The following PCLO variants were observed in gnomAD, a reference collection of about 807,000 sequenced individuals.
PCLO encodes protein piccolo.
PCLO carries 82 observed loss-of-function variants against 427.5 expected under a neutral mutation model. The ratio of observed to expected loss-of-function variants is 0.19; its 90% CI spans 0.16 to 0.23. The LOEUF (loss-of-function observed/expected upper bound fraction) is 0.23, where lower values mean the gene tolerates loss of function less well. Ranked by LOEUF, PCLO falls within the 10% of genes least tolerant of loss-of-function variation. The pLI is 1.00. For synonymous variants in PCLO, 2,357 were observed against 2,155.4 expected (o/e 1.09, Z -2.59); for missense variants, 6,239 against 6,115.9 (o/e 1.02, Z -0.67).
At chr7:82,886,828 T>A (rs1015408469) in intron 9 of PCLO, among the ~76,000 whole-genome samples, 7 of 152,340 alleles carry the variant, frequency 4.6e-5, no homozygotes, top group Non-Finnish European at 7.4e-5. Flanking sequence ...AAACATCCCA[T>A]TGAAATTATG....
At chr7:82,822,808 T>A (rs770625020) in intron 19 of PCLO, 119 bp from the exon 20 acceptor site, 2 of 814,454 alleles carry the variant, frequency 2.5e-6, no homozygotes, top group Non-Finnish European at 2.0e-6. Flanking sequence ...CTTATATGAT[T>A]CATTTATGCA....
intron 4 of PCLO, among the ~76,000 whole-genome samples, chr7:82,958,020 G>A (rs1795568164): frequency 6.6e-6 from 1 of 152,084 alleles, no homozygotes; most frequent in African/African-American, 2.4e-5. Context: ...ATATATATGA[G>A]CAAAATAAAA....
chr7:83,072,246 A>G (rs926033904), intron 3 of PCLO, among the ~76,000 whole-genome samples: 3 of 152,112 alleles, frequency 2.0e-5, no homozygotes, highest in African/African-American at 7.2e-5. Flanking sequence ...GAGAATTTCA[A>G]CATGAAAACC....
rs373163505 is a variant in PCLO at position 82,915,669 on chromosome 7, C to G, written c.12317G>C (p.Ser4106Thr). Residue 4106 changes from serine to threonine, a missense_variant, in exon 7 of 25, where the codon AGT (serine) becomes ACT (threonine). This residue lies in a region of PCLO where 680 missense variants were observed against 677.3 expected (regional missense o/e 1.00). Transcript: ENST00000333891. ...TGGGTCTTCCTCCGCCTTCACATAA[C>G]TATGCAATCTAGAGGAAGACTGTAA... is the stretch of plus-strand genomic sequence containing the variant. ...APLQSSSRLH[S>T]YVKAEEDPME... The G allele has an allele frequency of 2.6e-5, 42 of 1,613,154 alleles. No homozygotes were observed. The highest frequency in any genetic ancestry group is 4.0e-5 in the African/African-American group (3 of 74,900).
intron 10 of PCLO, among the ~76,000 whole-genome samples, chr7:82,855,655 A>G (rs1792783914): frequency 6.6e-6 from 1 of 152,292 alleles, no homozygotes; most frequent in South Asian, 2.1e-4. Context: ...TATGGTGAGT[A>G]AACAGTGACA....
intron 3 of PCLO, among the ~76,000 whole-genome samples, chr7:83,016,993 G>A (rs901917429): frequency 1.6e-4 from 24 of 152,022 alleles, no homozygotes; most frequent in African/African-American, 5.8e-4. Flanking sequence ...GGGGAAATGG[G>A]CTCTTTTTTC....
At chr7:82,770,529 T>C (rs1790626644) in intron 22 of PCLO, among the ~76,000 whole-genome samples, 2 of 151,836 alleles carry the variant, frequency 1.3e-5, no homozygotes, top group Admixed American at 6.6e-5. Flanking sequence ...AAATATTCAG[T>C]AGATTTTAAT....
chr7:83,024,896 G>T lies in PCLO; in HGVS notation c.3301-58409C>A, dbSNP rs186202014. ...TCCAACACCTGCAGCTGAGGGTCCT[G>T]TCTGTTAGAAGGAAAACTAACAAAC... On this transcript the variant is annotated intron_variant, in intron 3 of 24. Coordinates refer to ENST00000333891, the MANE Select transcript of PCLO (RefSeq NM_033026.6). Among the ~76,000 whole-genome samples the T allele has an allele frequency of 2.0e-4, 31 of 152,206 alleles. No individual in the cohort carries two copies. In the East Asian group the frequency reaches 5.0e-3, roughly 25 times the overall value.
At position 83,135,108 on chromosome 7, in the gene PCLO, G is replaced by C. The variant is rs766477326; in HGVS notation, c.2442C>G (p.Ser814Arg). Residue 814 changes from serine (S) to arginine (R), a missense_variant, in exon 3 of 25, where the codon AGC becomes AGG. Transcript: ENST00000333891. ...GAGGTATGGCTTTAGAATCAAATGG[G>C]CTGACTTTTTCCCCTGTTGGTGGAA... is the stretch of plus-strand genomic sequence containing the variant. ...QSFPPTGEKV[S>R]PFDSKAIPRP... 5.6e-6 allele frequency: 9 copies of C among 1,613,774 alleles called. No individual in the cohort carries two copies. The African/African-American group carries it at 1.2e-4, about 22-fold the overall frequency.
chr7:82,946,128 T>C (rs952198128), intron 6 of PCLO, among the ~76,000 whole-genome samples: 5 of 152,194 alleles, frequency 3.3e-5, no homozygotes, highest in African/African-American at 7.2e-5. Context: ...GTGAAAGTGA[T>C]ACTTTAAATA....
intron 2 of PCLO, among the ~76,000 whole-genome samples, chr7:83,142,962 A>C (rs939732578): frequency 6.6e-6 from 1 of 152,160 alleles, no homozygotes; most frequent in Non-Finnish European, 1.5e-5. Flanking sequence ...CATCTCAAAA[A>C]AAAAAGAGCA....
Position 83,072,164 on chromosome 7 carries a change from CTGT to C in PCLO, c.3300+62083_3300+62085del, listed in dbSNP as rs1248506006. 5.9e-5 allele frequency among the ~76,000 whole-genome samples: 9 copies of C among 151,884 alleles called. No individual in the cohort carries two copies. The East Asian group carries it at 7.7e-4, about 13-fold the overall frequency. Reference sequence around the variant, plus strand: ...TGATAATGATTTTGTTGTTGTGATTCTGTTGTTATTTCTAGCAACAATGCTTCA... The same window carrying C: ...TGATAATGATTTTGTTGTTGTGATTCTGTTATTTCTAGCAACAATGCTTCA... On this transcript the variant is annotated intron_variant, in intron 3 of 24. Transcript: ENST00000333891.
At chr7:82,774,908 C>G (rs1421475758) in intron 22 of PCLO, among the ~76,000 whole-genome samples, 2 of 152,190 alleles carry the variant, frequency 1.3e-5, no homozygotes, top group Non-Finnish European at 2.9e-5. Flanking sequence ...ATTCCTTCTC[C>G]CCGCTAAACC....
At chr7:83,137,902 C>A (rs892120912) in intron 2 of PCLO, among the ~76,000 whole-genome samples, 1 of 152,138 alleles carries the variant, frequency 6.6e-6, no homozygotes, top group Admixed American at 6.5e-5. Context: ...TCTGCAAGTA[C>A]CATGACAAAA....
At chr7:82,795,663 G>A (rs959307567) in intron 22 of PCLO, among the ~76,000 whole-genome samples, 9 of 152,030 alleles carry the variant, frequency 5.9e-5, no homozygotes, top group Non-Finnish European at 1.0e-4. Flanking sequence ...TACTGCTCTA[G>A]TTCTCTGTTT....
At chr7:82,873,530 C>T (rs1793292877) in intron 10 of PCLO, among the ~76,000 whole-genome samples, 1 of 152,158 alleles carries the variant, frequency 6.6e-6, no homozygotes, top group South Asian at 2.1e-4. Context: ...TGCAGAAATT[C>T]GACTATTGAG....
intron 4 of PCLO, among the ~76,000 whole-genome samples, chr7:82,959,141 A>G (rs1248586413): frequency 1.3e-5 from 2 of 152,098 alleles, no homozygotes; most frequent in Non-Finnish European, 2.9e-5. Flanking sequence ...ATCTTGGCTC[A>G]CTGCCACCTC....
intron 3 of PCLO, among the ~76,000 whole-genome samples, chr7:83,124,848 C>T (rs1040874381): frequency 1.3e-5 from 2 of 152,102 alleles, no homozygotes; most frequent in African/African-American, 4.8e-5. Flanking sequence ...TCACTGCAAC[C>T]TCCCTGCCTG....
At chr7:82,772,343 T>C (rs1790664790) in intron 22 of PCLO, among the ~76,000 whole-genome samples, 1 of 152,172 alleles carries the variant, frequency 6.6e-6, no homozygotes, top group African/African-American at 2.4e-5. Context: ...ATTGTCAATC[T>C]ATTAATTTCA....
Sources: gnomAD v4.1 joint callset for allele counts (sites outside exome capture counted in the v4.1 genomes callset) on GRCh38, gnomAD v4.1.1 for gene constraint, gnomAD v4.1.1 regional missense constraint, MANE v1.5 for transcripts, NCBI Gene and HGNC (gene_info 2026-07-23, HGNC 2026-07-21) for gene names.